QTMAN: variants seen among roughly 807,000 people sequenced by gnomAD.
The protein encoded by QTMAN is tRNA-queuosine alpha-mannosyltransferase.
At chr2:144,300,229 T>C in the QTMAN span, among the ~76,000 whole-genome samples, 46 of 152,358 alleles carry the variant, frequency 3.0e-4, no homozygotes, top group African/African-American at 9.6e-4. Context: ...GCCACTGACC[T>C]ATACACTTAA....
At chr2:144,290,745 AT>A in the QTMAN span, among the ~76,000 whole-genome samples, 4 of 152,238 alleles carry the variant, frequency 2.6e-5, no homozygotes, top group East Asian at 7.7e-4. Flanking sequence ...CTCATGGCTT[AT>A]TCCCTCACCT....
chr2:144,157,830 C>T, the QTMAN span, among the ~76,000 whole-genome samples: 1 of 151,622 alleles, frequency 6.6e-6, no homozygotes, highest in African/African-American at 2.4e-5. Context: ...TATATGGTAT[C>T]TATATAGTAC....
At chr2:144,255,786 T>C in the QTMAN span, among the ~76,000 whole-genome samples, 1 of 152,238 alleles carries the variant, frequency 6.6e-6, no homozygotes, top group Non-Finnish European at 1.5e-5. Context: ...TACATGTCAT[T>C]ATACTGTTTG....
chr2:144,025,793 G>GTACTCCCCTT, the QTMAN span, among the ~76,000 whole-genome samples: 1 of 152,124 alleles, frequency 6.6e-6, no homozygotes, highest in Non-Finnish European at 1.5e-5. Context: ...TGTAACTAGC[G>GTACTCCCCTT]TACTCCCCTT....
the QTMAN span, among the ~76,000 whole-genome samples, chr2:144,214,907 A>G: frequency 6.6e-6 from 1 of 151,570 alleles, no homozygotes; most frequent in Non-Finnish European, 1.5e-5. Context: ...CCTAAAAAAC[A>G]TTTCTTTTTT....
chr2:144,230,196 C>T, the QTMAN span: 2 of 152,080 alleles, frequency 1.3e-5, no homozygotes, highest in Non-Finnish European at 2.9e-5. Flanking sequence ...ATTGAGTTTA[C>T]AATAAACTGA....
chr2:144,086,150 T>C, the QTMAN span, among the ~76,000 whole-genome samples: 1 of 152,316 alleles, frequency 6.6e-6, no homozygotes, highest in Non-Finnish European at 1.5e-5. Flanking sequence ...ATAGCAGAGC[T>C]GAGGTTAAAG....
chr2:144,264,271 T>C, the QTMAN span, among the ~76,000 whole-genome samples: 1 of 152,060 alleles, frequency 6.6e-6, no homozygotes, highest in Non-Finnish European at 1.5e-5. Flanking sequence ...AATCTTATTG[T>C]GGGGAAAAAA....
chr2:144,098,108 C>G, the QTMAN span, among the ~76,000 whole-genome samples: 2 of 152,184 alleles, frequency 1.3e-5, no homozygotes. Context: ...AGCTTCTCCA[C>G]ACTGAATTGA....
the QTMAN span, among the ~76,000 whole-genome samples, chr2:143,961,819 T>C: frequency 2.0e-5 from 3 of 151,998 alleles, no homozygotes; most frequent in African/African-American, 7.2e-5. Context: ...CTGGGAGTGA[T>C]CCTAGAAAAA....
At chr2:143,999,059 G>C in the QTMAN span, among the ~76,000 whole-genome samples, 1 of 151,772 alleles carries the variant, frequency 6.6e-6, no homozygotes, top group African/African-American at 2.4e-5. Flanking sequence ...CTAATTGCCA[G>C]GCACTCTGGT....
At chr2:144,056,480 C>A in the QTMAN span, among the ~76,000 whole-genome samples, 2 of 152,230 alleles carry the variant, frequency 1.3e-5, no homozygotes, top group Non-Finnish European at 2.9e-5. Flanking sequence ...CCATCTGACA[C>A]ACACTGTACT....
At chr2:144,162,924 G>GTGT in the QTMAN span, among the ~76,000 whole-genome samples, 19 of 152,062 alleles carry the variant, frequency 1.2e-4, no homozygotes, top group African/African-American at 4.3e-4. Flanking sequence ...GAAAGCCAAA[G>GTGT]GCACAGAAAC....
chr2:144,072,804 A>T, the QTMAN span, among the ~76,000 whole-genome samples: 1 of 152,200 alleles, frequency 6.6e-6, no homozygotes, highest in Non-Finnish European at 1.5e-5. Context: ...TCTAGAAAAT[A>T]CTTTCGTAGA....
At chr2:144,049,346 G>A in the QTMAN span, among the ~76,000 whole-genome samples, 1 of 152,096 alleles carries the variant, frequency 6.6e-6, no homozygotes, top group African/African-American at 2.4e-5. Flanking sequence ...TCACACAATC[G>A]GATGCCTGTC....
chr2:143,981,977 T>C, the QTMAN span, among the ~76,000 whole-genome samples: 2 of 152,216 alleles, frequency 1.3e-5, no homozygotes, highest in Non-Finnish European at 2.9e-5. Context: ...CAAACCTTGT[T>C]ACCCCAGTTT....
chr2:143,945,100 A>T, the QTMAN span: 1 of 152,246 alleles, frequency 6.6e-6, no homozygotes, highest in Admixed American at 6.5e-5. Flanking sequence ...GTGACACAGC[A>T]ACTGACAGAA....
the QTMAN span, among the ~76,000 whole-genome samples, chr2:144,206,611 G>T: frequency 6.6e-6 from 1 of 152,188 alleles, no homozygotes; most frequent in Non-Finnish European, 1.5e-5. Flanking sequence ...AGAGATGACA[G>T]ATACCATTGT....
the QTMAN span, among the ~76,000 whole-genome samples, chr2:144,203,153 G>GTC: frequency 3.6e-5 from 1 of 27,592 alleles, no homozygotes; most frequent in Non-Finnish European, 6.4e-5. Context: ...AATGAAGAGT[G>GTC]TGTGTGTGTG....
Sources: allele counts gnomAD v4.1 joint callset (sites outside exome capture counted in the v4.1 genomes callset), GRCh38; gene constraint gnomAD v4.1.1; transcripts MANE v1.5; gene names NCBI Gene and HGNC (gene_info 2026-07-23, HGNC 2026-07-21).